The following A2M variants were observed in gnomAD, a reference collection of about 807,000 sequenced individuals.
The protein encoded by A2M is alpha-2-macroglobulin, also known as C3 and PZP-like alpha-2-macroglobulin domain-containing protein 5.
In A2M, 128 loss-of-function variants were observed where a neutral mutation model predicts 183.9. The observed-to-expected ratio is 0.70, with a 90% CI of 0.60 to 0.81. The LOEUF (loss-of-function observed/expected upper bound fraction) is 0.81, where lower values mean the gene tolerates loss of function less well. Among genes scored for constraint, A2M ranks in the 30% least tolerant of loss-of-function variants. The pLI, the probability that A2M is intolerant of heterozygous loss-of-function variation, is 0.00. For missense variants in A2M, 1,495 were observed against 1,787.6 expected (o/e 0.84, Z 2.95); for synonymous variants, 592 against 670.8 (o/e 0.88, Z 1.81).
chr12:9,071,026 G>A (rs1029995656), intron 31 of A2M, among the ~76,000 whole-genome samples: 2 of 151,954 alleles, frequency 1.3e-5, no homozygotes, highest in Admixed American at 1.3e-4. Context: ...CTCCATGTTG[G>A]TCAGGCTGGT....
At chr12:9,113,202 GTCATGCATTGC>G (rs1311683017) in intron 2 of A2M, among the ~76,000 whole-genome samples, 147 bp downstream of exon 2, 1 of 150,468 alleles carries the variant, frequency 6.6e-6, no homozygotes, top group Non-Finnish European at 1.5e-5. Flanking sequence ...TGGCTGGAGA[GTCATGCATTGC>G]TCCTTAATTT....
intron 7 of A2M, among the ~76,000 whole-genome samples, chr12:9,108,899 G>T (rs927746353): frequency 4.6e-5 from 7 of 152,206 alleles, no homozygotes; most frequent in Non-Finnish European, 1.0e-4. Context: ...CAGTAAGCAT[G>T]CAAGGTCAGG....
At chr12:9,112,082 T>TCTTC (rs1335342224) in intron 4 of A2M, 77 bp downstream of exon 4, 21 of 1,387,736 alleles carry the variant, frequency 1.5e-5, no homozygotes, top group Admixed American at 6.7e-5. Flanking sequence ...CTCTCCCTGG[T>TCTTC]CTTCCCTCAG....
At position 9,101,523 on chromosome 12, in the gene A2M, G is replaced by A. The variant is rs1344858126; in HGVS notation, c.1418C>T (p.Thr473Ile). ...AATATAATGTGCCTGGACTGTCTGA[G>A]TATGGCCACAGGGTAGTTCATGAGA... is the stretch of plus-strand genomic sequence containing the variant. Reference protein sequence around the residue: ...PMSHELPCGHTQTVQAHYILN... With the variant: ...PMSHELPCGHIQTVQAHYILN... Residue 473 changes from threonine (T) to isoleucine (I), a missense_variant, in exon 12 of 36, where the codon ACT becomes ATT. Physicochemically the swap from Thr to Ile is moderately conservative, Grantham distance 89 (BLOSUM62 -1). Transcript: ENST00000318602. The A allele has an allele frequency of 1.9e-6, 3 of 1,613,952 alleles. No homozygotes were observed.
chr12:9,115,993 T>G, upstream of A2M: 2 of 708,848 alleles, frequency 2.8e-6, no homozygotes, highest in East Asian at 2.8e-5. Flanking sequence ...ACAAGATCTC[T>G]AAACAAAGTT....
intron 17 of A2M, 88 bp from the exon 18 acceptor site, chr12:9,093,667 C>CA (rs1267025729): frequency 2.7e-5 from 18 of 676,952 alleles, no homozygotes; most frequent in Admixed American, 3.7e-5. Flanking sequence ...AAAAAAAAAA[C>CA]AAAAAACAAA....
chr12:9,090,126 T>G, intron 20 of A2M, 103 bp from the exon 21 acceptor site: 1 of 1,494,132 alleles, frequency 6.7e-7, no homozygotes, highest in Middle Eastern at 1.8e-4. Context: ...TTTTGTTTTA[T>G]TAAAACACAG....
intron 6 of A2M, among the ~76,000 whole-genome samples, chr12:9,109,621 C>A (rs749063110): frequency 6.6e-6 from 1 of 152,130 alleles, no homozygotes; most frequent in Non-Finnish European, 1.5e-5. Flanking sequence ...ATGGAAAACT[C>A]CATTAAAACA....
chr12:9,081,106 G>C (rs1297150144), intron 22 of A2M, among the ~76,000 whole-genome samples: 1 of 151,982 alleles, frequency 6.6e-6, no homozygotes, highest in East Asian at 1.9e-4. Flanking sequence ...ATGACCAAGT[G>C]AAAGAAAATA....
chr12:9,100,197 C>A (rs1296192191), intron 13 of A2M, among the ~76,000 whole-genome samples: 1 of 152,208 alleles, frequency 6.6e-6, no homozygotes, highest in East Asian at 1.9e-4. Context: ...TAAATCATAA[C>A]TATCTTGAAA....
At chr12:9,068,927 G>A in intron 33 of A2M, 85 bp from the exon 34 acceptor site, 1 of 967,572 alleles carries the variant, frequency 1.0e-6, no homozygotes, top group Non-Finnish European at 1.5e-6. Flanking sequence ...TGTTTTTTGG[G>A]GGAAAAGCTT....
intron 10 of A2M, among the ~76,000 whole-genome samples, chr12:9,105,989 ACT>A (rs983680007): frequency 1.3e-5 from 2 of 152,054 alleles, no homozygotes; most frequent in Non-Finnish European, 2.9e-5. Context: ...AGGGGGGAAA[ACT>A]CTACTAATTT....
intron 1 of A2M, chr12:9,115,158 C>T (rs1209640767): frequency 6.6e-6 from 1 of 152,358 alleles, no homozygotes; most frequent in Non-Finnish European, 1.5e-5. Flanking sequence ...CCAAAAATCA[C>T]CTAGTACTCT....
chr12:9,089,578 T>TA (rs1949145691), intron 21 of A2M, among the ~76,000 whole-genome samples: 1 of 151,992 alleles, frequency 6.6e-6, no homozygotes, highest in Non-Finnish European at 1.5e-5. Context: ...CTGTCTCTAC[T>TA]AAAAATACAA....
chr12:9,101,794 C>T (rs1448409646), intron 11 of A2M, 120 bp from the exon 12 acceptor site: 11 of 817,570 alleles, frequency 1.3e-5, no homozygotes, highest in Non-Finnish European at 2.1e-5. Flanking sequence ...TTTTGTTCCA[C>T]AATGAAAAGT....
chr12:9,077,089 GTTA>G (rs1439324801), intron 27 of A2M, among the ~76,000 whole-genome samples, 153 bp from the exon 28 acceptor site: 2 of 152,178 alleles, frequency 1.3e-5, no homozygotes, highest in African/African-American at 4.8e-5. Context: ...ATTTTTATCT[GTTA>G]TTCTCACATT....
In A2M at chr12:9,079,822, A is replaced by C. The variant is rs539903305; in HGVS notation, c.2855-7T>G. 7.6e-6 allele frequency: 12 copies of C among 1,579,462 alleles called. No individual in the cohort carries two copies. The East Asian group carries it at 9.0e-5, about 12-fold the overall frequency. On this transcript the variant is annotated splice_polypyrimidine_tract_variant and splice_region_variant and intron_variant, in intron 23 of 35. Coordinates refer to ENST00000318602, the MANE Select transcript of A2M (RefSeq NM_000014.6). ...GCAGAGCCTAATATGTCTCCTAGAG[A>C]ATGGGAGAGATGGGAAGTCATAAAG...
chr12:9,088,250 G>T (rs1949106338), intron 22 of A2M, among the ~76,000 whole-genome samples: 1 of 132,220 alleles, frequency 7.6e-6, no homozygotes, highest in African/African-American at 3.0e-5. Context: ...TTAATGTGAT[G>T]TTCTGTTTTT....
intron 35 of A2M, 87 bp downstream of exon 35, chr12:9,068,096 A>G: frequency 1.2e-5 from 18 of 1,451,438 alleles, no homozygotes; most frequent in Non-Finnish European, 1.7e-5. Flanking sequence ...TTTGACAAAT[A>G]TTTACCCAGC....
Sources: allele counts gnomAD v4.1 joint callset (sites outside exome capture counted in the v4.1 genomes callset), GRCh38; gene constraint gnomAD v4.1.1; transcripts MANE v1.5; gene names NCBI Gene and HGNC (gene_info 2026-07-23, HGNC 2026-07-21).